RIMS2: variants seen among roughly 807,000 people sequenced by gnomAD.
The protein encoded by RIMS2 is regulating synaptic membrane exocytosis 2, also known as regulating synaptic membrane exocytosis protein 2.
Under a neutral mutation model 174.4 loss-of-function variants are expected in RIMS2, and 59 were observed. That is an observed-to-expected ratio of 0.34 (90% CI 0.27 to 0.42). RIMS2 has a LOEUF of 0.42. Among genes scored for constraint, RIMS2 ranks in the 10% least tolerant of loss-of-function variants. The probability of loss-of-function intolerance (pLI) is 1.00; values close to 1 mark genes in which losing one functional copy is unlikely to be tolerated. For missense variants in RIMS2, 1,620 were observed against 1,666.3 expected, an observed-to-expected ratio of 0.97 and a Z score of 0.48; for synonymous variants, 606 against 572.5, an observed-to-expected ratio of 1.06 and a Z score of -0.84.
At chr8:103,725,259 T>G (rs1378176671) in intron 2 of RIMS2, among the ~76,000 whole-genome samples, 1 of 152,152 alleles carries the variant, frequency 6.6e-6, no homozygotes, top group Non-Finnish European at 1.5e-5. Flanking sequence ...CATAATAAGA[T>G]GCACAGAATT....
chr8:103,614,541 G>A (rs572911165), intron 1 of RIMS2, among the ~76,000 whole-genome samples: 1 of 152,342 alleles, frequency 6.6e-6, no homozygotes, highest in South Asian at 2.1e-4. Context: ...GTGCTTTTGT[G>A]TGTGCCGATC....
intron 4 of RIMS2, among the ~76,000 whole-genome samples, chr8:103,898,853 C>T (rs1344241323): frequency 1.3e-5 from 2 of 151,440 alleles, no homozygotes; most frequent in East Asian, 3.9e-4. Flanking sequence ...AGGTATATCT[C>T]CTAATGCTAT....
At chr8:103,959,710 C>T (rs1041636279) in intron 14 of RIMS2, among the ~76,000 whole-genome samples, 1 of 152,088 alleles carries the variant, frequency 6.6e-6, no homozygotes, top group Non-Finnish European at 1.5e-5. Context: ...AGGCGTGAGC[C>T]ACCGTGTATC....
At chr8:104,204,591 T>C (rs2099071045) in intron 19 of RIMS2, among the ~76,000 whole-genome samples, 1 of 152,162 alleles carries the variant, frequency 6.6e-6, no homozygotes, top group Admixed American at 6.5e-5. Flanking sequence ...TCTGAAAAAC[T>C]GACCTCAATT....
chr8:104,230,584 T>TG (rs1299725784), intron 19 of RIMS2, among the ~76,000 whole-genome samples: 7 of 152,004 alleles, frequency 4.6e-5, no homozygotes, highest in African/African-American at 1.7e-4. Flanking sequence ...AGGCGGAAGT[T>TG]GCAGTGAGCC....
intron 4 of RIMS2, among the ~76,000 whole-genome samples, chr8:103,906,511 G>T (rs2074434411): frequency 6.6e-6 from 1 of 152,214 alleles, no homozygotes; most frequent in Non-Finnish European, 1.5e-5. Flanking sequence ...CTCACTAAGT[G>T]CTGGGATTAC....
intron 2 of RIMS2, among the ~76,000 whole-genome samples, chr8:103,719,874 T>C (rs989444514): frequency 2.6e-5 from 4 of 152,190 alleles, no homozygotes; most frequent in Admixed American, 2.6e-4. Context: ...TTTCACTGTC[T>C]AGAGGCGTAT....
At chr8:103,691,477 A>G (rs1276780353) in intron 1 of RIMS2, among the ~76,000 whole-genome samples, 1 of 152,122 alleles carries the variant, frequency 6.6e-6, no homozygotes, top group Non-Finnish European at 1.5e-5. Flanking sequence ...AGACTCATGC[A>G]TTCTTCAGTA....
Position 103,749,711 on chromosome 8 carries a change from A to G in RIMS2, c.388-16516A>G, listed in dbSNP as rs936819651. Among the ~76,000 whole-genome samples the G allele has an allele frequency of 2.6e-5, 4 of 152,272 alleles. No homozygotes were observed. The East Asian group carries it at 7.7e-4, about 29-fold the overall frequency. ...AATTACTAAATTTTCACACTAATAT[A>G]ATTTTACAAATGCAATATAGCTTAT... On this transcript the variant is annotated intron_variant, in intron 2 of 23. Transcript: ENST00000504942.
At position 104,012,962 on chromosome 8, in the gene RIMS2, T is replaced by C. The variant is rs538499751; in HGVS notation, c.3045-480T>C. Among the ~76,000 whole-genome samples the C allele has an allele frequency of 2.6e-5, 4 of 152,246 alleles. No homozygotes were observed. The South Asian group carries it at 6.2e-4, about 24-fold the overall frequency. On this transcript the variant is annotated intron_variant, in intron 17 of 23. Transcript: ENST00000504942. ...GTCACCCTATTTTCTTATAACCTCA[T>C]TTTGATTCTTCTGTTTAAATGTTCA...
intron 1 of RIMS2, chr8:103,559,190 ATCT>A (rs1382564469): frequency 3.1e-5 from 6 of 195,856 alleles, no homozygotes; most frequent in South Asian, 8.4e-5. Context: ...CCTCACCATT[ATCT>A]TCTTATTTCT....
intron 19 of RIMS2, among the ~76,000 whole-genome samples, chr8:104,119,151 T>C (rs890739635): frequency 2.7e-5 from 4 of 147,406 alleles, no homozygotes; most frequent in African/African-American, 1.0e-4. Flanking sequence ...ATCAAGACCA[T>C]CCTAGCCAAC....
At chr8:103,960,922 G>C (rs961523547) in intron 14 of RIMS2, 143 bp from the exon 17 acceptor site, 8 of 627,706 alleles carry the variant, frequency 1.3e-5, no homozygotes, top group Non-Finnish European at 2.0e-5. Flanking sequence ...ATGACAAAAA[G>C]CTCATAAGGA....
rs151285653 is a variant in RIMS2, at chr8:103,960,115, A to G, written c.2702-950A>G. 3.4e-3 allele frequency among the ~76,000 whole-genome samples: 511 copies of G among 152,298 alleles called. 2 individuals are homozygous for G. Among genetic ancestry groups the G allele is most frequent in the African/African-American group, 0.011 (476 of 41,562 alleles). On this transcript the variant is annotated intron_variant, in intron 14 of 23. Transcript: ENST00000504942. ...AAATTGATAGACCGCTAGCAAGACT[A>G]ATAAAGAATTCTGTTGTGTGGGGTG...
Position 103,900,370 on chromosome 8 carries a change from C to T in RIMS2, c.1625-9764C>T, listed in dbSNP as rs572234338. On this transcript the variant is annotated intron_variant, in intron 4 of 23. Coordinates refer to ENST00000504942, the Ensembl canonical transcript of RIMS2. ...TCCTGAGTAGCTGGGATTACAAGTG[C>T]CCACCACCACGCCCAGCTAATTTTT... is the stretch of plus-strand genomic sequence containing the variant. Among the ~76,000 whole-genome samples the T allele has an allele frequency of 7.4e-4, 111 of 149,396 alleles. 4 individuals are homozygous for T. The South Asian group carries it at 0.022, about 29-fold the overall frequency.
intron 1 of RIMS2, among the ~76,000 whole-genome samples, chr8:103,673,875 C>T (rs2096776018): frequency 6.6e-6 from 1 of 152,218 alleles, no homozygotes; most frequent in African/African-American, 2.4e-5. Flanking sequence ...CTTTTAGGCT[C>T]TATTTCCTTT....
At chr8:104,242,247 C>T (rs557590444) in intron 19 of RIMS2, among the ~76,000 whole-genome samples, 2 of 151,930 alleles carry the variant, frequency 1.3e-5, no homozygotes, top group Admixed American at 6.6e-5. Context: ...TTGTTTTTTC[C>T]TACACCATTT....
Position 104,137,536 on chromosome 8 carries a change from T to G in RIMS2, c.3335-107380T>G, listed in dbSNP as rs961832187. ...AAAAGAAGAAAAGTCTTTGTCCCAT[T>G]TATACATTCATTATATATTACAATC... On this transcript the variant is annotated intron_variant, in intron 19 of 23. Coordinates refer to ENST00000504942, the Ensembl canonical transcript of RIMS2. Among the ~76,000 whole-genome samples the G allele has an allele frequency of 7.9e-5, 12 of 152,198 alleles. No homozygotes were observed. In the South Asian group the frequency reaches 2.5e-3, roughly 32 times the overall value.
intron 19 of RIMS2, among the ~76,000 whole-genome samples, chr8:104,203,146 A>G (rs193165341): frequency 1.3e-3 from 191 of 152,308 alleles, no homozygotes; most frequent in African/African-American, 4.4e-3. Context: ...ACATGAAAAC[A>G]TTTATAGTAG....
Sources: allele counts gnomAD v4.1 joint callset (sites outside exome capture counted in the v4.1 genomes callset), GRCh38; gene constraint gnomAD v4.1.1; transcripts MANE v1.5; gene names NCBI Gene and HGNC (gene_info 2026-07-23, HGNC 2026-07-21).